The following FKBP5 variants were observed in gnomAD, a reference collection of about 807,000 sequenced individuals.
FKBP5 encodes the protein FKBP prolyl isomerase 5, also known as peptidyl-prolyl cis-trans isomerase FKBP5.
In FKBP5, 23 loss-of-function variants were observed where a neutral mutation model predicts 50.5. The observed-to-expected ratio is 0.46, with a 90% CI of 0.33 to 0.65. The LOEUF (loss-of-function observed/expected upper bound fraction) is 0.65, where lower values mean the gene tolerates loss of function less well. Among genes scored for constraint, FKBP5 ranks in the 30% least tolerant of loss-of-function variants. The pLI, the probability that FKBP5 is intolerant of heterozygous loss-of-function variation, is 0.02. For synonymous variants in FKBP5, 176 were observed against 190.6 expected, an observed-to-expected ratio of 0.92 and a Z score of 0.63; for missense variants, 411 against 553.1, an observed-to-expected ratio of 0.74 and a Z score of 2.58.
chr6:35,578,877 T>G (rs528182191), intron 9 of FKBP5, among the ~76,000 whole-genome samples: 2 of 151,940 alleles, frequency 1.3e-5, no homozygotes, highest in East Asian at 1.9e-4. Context: ...AGAAAAATAA[T>G]GTAGTCAAGG....
In FKBP5 at chr6:35,637,146, CTCTTT is replaced by C; in HGVS notation, c.113_117del (p.Lys38SerfsTer5). ...ATCGGCGTTTCCTCACCATTCCCCACTCTTTTGACAATCTAGAAAAGACAAACATT... is the reference window on the plus strand; with the variant it reads ...ATCGGCGTTTCCTCACCATTCCCCACTGACAATCTAGAAAAGACAAACATT... On this transcript the variant is annotated frameshift_variant, in exon 3 of 11. Transcript: ENST00000357266. LOFTEE classifies it high-confidence loss of function. 6.2e-7 allele frequency: 1 copy of C among 1,607,138 alleles called. No individual in the cohort carries two copies. The highest frequency in any genetic ancestry group is 8.5e-7 in the Non-Finnish European group (1 of 1,178,634).
intron 5 of FKBP5, among the ~76,000 whole-genome samples, chr6:35,606,766 G>T (rs1763335264): frequency 6.7e-6 from 1 of 150,102 alleles, no homozygotes; most frequent in Non-Finnish European, 1.5e-5. Flanking sequence ...GATGAGAATG[G>T]AAATTAGTTC....
At chr6:35,578,053 TCCA>T (rs1762281858) in intron 9 of FKBP5, among the ~76,000 whole-genome samples, 1 of 46,508 alleles carries the variant, frequency 2.2e-5, no homozygotes, top group African/African-American at 1.0e-4. Context: ...GACTCTTGTC[TCCA>T]AAAAAAAAAA....
intron 2 of FKBP5, among the ~76,000 whole-genome samples, chr6:35,702,299 CA>C (rs1766202599): frequency 6.6e-6 from 1 of 151,566 alleles, no homozygotes; most frequent in African/African-American, 2.4e-5. Context: ...ATCTCTACAA[CA>C]AACCCTTGTG....
At chr6:35,722,352 A>G (rs938681087) in intron 1 of FKBP5, among the ~76,000 whole-genome samples, 3 of 152,226 alleles carry the variant, frequency 2.0e-5, no homozygotes, top group Admixed American at 6.5e-5. Flanking sequence ...AAATAGCATT[A>G]TATTTAAGTG....
At chr6:35,708,698 A>C (rs1766364280) in intron 2 of FKBP5, among the ~76,000 whole-genome samples, 1 of 152,134 alleles carries the variant, frequency 6.6e-6, no homozygotes, top group Non-Finnish European at 1.5e-5. Context: ...TTTGGAATAA[A>C]GAATAAATTT....
chr6:35,585,203 T>C (rs1762562820), intron 8 of FKBP5: 3 of 973,952 alleles, frequency 3.1e-6, no homozygotes, highest in South Asian at 4.8e-5. Flanking sequence ...ATATAAAATA[T>C]AGTTAAGGAT....
chr6:35,578,980 G>GT (rs1762327183), intron 9 of FKBP5, among the ~76,000 whole-genome samples: 1 of 148,412 alleles, frequency 6.7e-6, no homozygotes, highest in African/African-American at 2.4e-5. Context: ...GCAGGGTGTG[G>GT]TGGCATGCAC....
At chr6:35,640,632 T>C (rs926385562) in intron 2 of FKBP5, among the ~76,000 whole-genome samples, 1 of 151,098 alleles carries the variant, frequency 6.6e-6, no homozygotes, top group Non-Finnish European at 1.5e-5. Flanking sequence ...CTGTGTAAAC[T>C]TTTTTTTTAG....
intron 7 of FKBP5, among the ~76,000 whole-genome samples, chr6:35,587,989 AC>A (rs1762660838): frequency 6.6e-6 from 1 of 152,022 alleles, no homozygotes; most frequent in Non-Finnish European, 1.5e-5. Flanking sequence ...TCCTGGTGTC[AC>A]AGCCCCTGCT....
At chr6:35,583,076 G>C (rs1762487996) in intron 8 of FKBP5, 2 of 978,434 alleles carry the variant, frequency 2.0e-6, no homozygotes, top group African/African-American at 3.7e-5. Context: ...GACAGAGTAA[G>C]ACCCTCTCTC....
intron 1 of FKBP5, among the ~76,000 whole-genome samples, chr6:35,671,257 C>T (rs1446071013): frequency 6.7e-6 from 1 of 149,272 alleles, no homozygotes; most frequent in Non-Finnish European, 1.5e-5. Context: ...GAGTGCAATC[C>T]TGTCTCAAAA....
At chr6:35,681,703 AAG>A (rs1212888340) in intron 1 of FKBP5, among the ~76,000 whole-genome samples, 1 of 152,174 alleles carries the variant, frequency 6.6e-6, no homozygotes, top group Non-Finnish European at 1.5e-5. Context: ...CACAGAAAAA[AAG>A]TTTCGCATAT....
At chr6:35,676,878 C>T (rs897273555) in intron 1 of FKBP5, among the ~76,000 whole-genome samples, 3 of 152,102 alleles carry the variant, frequency 2.0e-5, no homozygotes, top group Non-Finnish European at 2.9e-5. Context: ...GCCCAAGACC[C>T]CTGGAAGCTA....
At chr6:35,583,773 A>C (rs1448556202) in intron 8 of FKBP5, 85 of 985,430 alleles carry the variant, frequency 8.6e-5, no homozygotes, top group Non-Finnish European at 9.9e-5. Flanking sequence ...TTCTGCACTA[A>C]AGGAAAGAGA....
chr6:35,709,200 C>T (rs934452511), intron 2 of FKBP5, among the ~76,000 whole-genome samples: 1 of 151,896 alleles, frequency 6.6e-6, no homozygotes, highest in Non-Finnish European at 1.5e-5. Context: ...TATTGGCAGG[C>T]GAAGAGTGCT....
chr6:35,580,336 C>A, intron 8 of FKBP5, 115 bp from the exon 9 acceptor site: 1 of 834,114 alleles, frequency 1.2e-6, no homozygotes, highest in Admixed American at 2.3e-5. Context: ...TGGTTTCTTT[C>A]TTTCCTTCTG....
At position 35,657,985 on chromosome 6, in the gene FKBP5, C is replaced by T. The variant is rs191165681; in HGVS notation, c.-19-15142G>A. 1.1e-3 allele frequency among the ~76,000 whole-genome samples: 166 copies of T among 151,410 alleles called. 2 individuals are homozygous for T. The highest frequency in any genetic ancestry group is 3.9e-3 in the African/African-American group (160 of 41,224). On this transcript the variant is annotated intron_variant, in intron 1 of 10. Transcript: ENST00000357266. ...GTGGCTCACACCTGTAATCCCAGCACTTTGGGAGGCTGAGGCAGGCAGATC... is the reference window on the plus strand; with the variant it reads ...GTGGCTCACACCTGTAATCCCAGCATTTTGGGAGGCTGAGGCAGGCAGATC...
In FKBP5 at chr6:35,598,612, A is replaced by G. The variant is rs116566747; in HGVS notation, c.509-1208T>C. Among the ~76,000 whole-genome samples, 568 of 152,346 alleles carry G rather than the reference A, an allele frequency of 3.7e-3. 2 individuals are homozygous for G. Among genetic ancestry groups the G allele is most frequent in the African/African-American group, 0.011 (439 of 41,574 alleles). ...TATTCTATTTTAAGTTTTTGATGTA[A>G]TAAGAAAAATGGATGGCTGGTATGA... On this transcript the variant is annotated intron_variant, in intron 5 of 10. Transcript: ENST00000357266.
Sources: allele counts gnomAD v4.1 joint callset (sites outside exome capture counted in the v4.1 genomes callset), GRCh38; gene constraint gnomAD v4.1.1; transcripts MANE v1.5; gene names NCBI Gene and HGNC (gene_info 2026-07-23, HGNC 2026-07-21).